The following MRTFA variants were observed in gnomAD, a reference collection of about 807,000 sequenced individuals.
MRTFA encodes myocardin related transcription factor A.
A neutral mutation model predicts 83.5 loss-of-function variants in MRTFA; 20 were observed. The ratio of observed to expected loss-of-function variants is 0.24; its 90% CI spans 0.17 to 0.35. The LOEUF (loss-of-function observed/expected upper bound fraction) is 0.35, where lower values mean the gene tolerates loss of function less well. Among genes scored for constraint, MRTFA ranks in the 10% least tolerant of loss-of-function variants. The pLI, the probability that MRTFA is intolerant of heterozygous loss-of-function variation, is 1.00. For missense variants in MRTFA, 1,200 were observed against 1,224.7 expected (o/e 0.98, Z 0.30); for synonymous variants, 659 against 541.2 (o/e 1.22, Z -3.02).
rs1217596012 is a variant in MRTFA, at chr22:40,621,380, G to GT, written c.-84+15097dup. ...AAGCTAGTCACAAAAGACAAATATT[G>GT]TATGGTTCCACTTGTATGAAGTACT... On this transcript the variant is annotated intron_variant, in intron 1 of 14. Coordinates refer to ENST00000355630, the MANE Select transcript of MRTFA (RefSeq NM_020831.6). Among the ~76,000 whole-genome samples the GT allele has an allele frequency of 5.9e-5, 9 of 152,240 alleles. No homozygotes were observed. The East Asian group carries it at 1.7e-3, about 29-fold the overall frequency.
At chr22:40,481,960 T>G (rs1046258301) in intron 3 of MRTFA, among the ~76,000 whole-genome samples, 2 of 150,700 alleles carry the variant, frequency 1.3e-5, no homozygotes, top group Non-Finnish European at 2.9e-5. Flanking sequence ...CTCGGGAGGC[T>G]GAGGCAGGAG....
chr22:40,449,233 C>G (rs1329315374), intron 4 of MRTFA, among the ~76,000 whole-genome samples: 1 of 149,102 alleles, frequency 6.7e-6, no homozygotes, highest in African/African-American at 2.5e-5. Context: ...CGCCACTACA[C>G]TCCAGCCTGG....
At chr22:40,454,326 G>A (rs1385356070) in intron 4 of MRTFA, among the ~76,000 whole-genome samples, 1 of 152,142 alleles carries the variant, frequency 6.6e-6, no homozygotes, top group Non-Finnish European at 1.5e-5. Context: ...ATGTTGTCCA[G>A]GCTGGTCTCA....
At chr22:40,518,820 A>C (rs2054808205) in intron 3 of MRTFA, among the ~76,000 whole-genome samples, 1 of 150,712 alleles carries the variant, frequency 6.6e-6, no homozygotes, top group Admixed American at 6.6e-5. Flanking sequence ...AAAAAAAAAA[A>C]ACCAGTGTCT....
intron 4 of MRTFA, among the ~76,000 whole-genome samples, chr22:40,453,029 C>G (rs1473288236): frequency 6.6e-6 from 1 of 152,068 alleles, no homozygotes; most frequent in Non-Finnish European, 1.5e-5. Flanking sequence ...ACAGCAGAAG[C>G]GAGACAAGGA....
intron 3 of MRTFA, among the ~76,000 whole-genome samples, chr22:40,512,896 C>G (rs1469872272): frequency 6.6e-6 from 1 of 152,190 alleles, no homozygotes; most frequent in Admixed American, 6.5e-5. Flanking sequence ...TTTAACTGAT[C>G]CATCTTTATC....
intron 1 of MRTFA, among the ~76,000 whole-genome samples, chr22:40,614,141 G>A (rs2056420734): frequency 6.6e-6 from 1 of 151,810 alleles, no homozygotes; most frequent in African/African-American, 2.4e-5. Flanking sequence ...GGCAGAGGTT[G>A]CAGTAAGCCG....
intron 1 of MRTFA, among the ~76,000 whole-genome samples, chr22:40,602,418 C>T (rs2056270641): frequency 6.6e-6 from 1 of 152,134 alleles, no homozygotes; most frequent in Non-Finnish European, 1.5e-5. Context: ...CTTGGGATCA[C>T]CACATCCACC....
At chr22:40,514,915 T>C (rs1387393922) in intron 3 of MRTFA, among the ~76,000 whole-genome samples, 1 of 150,896 alleles carries the variant, frequency 6.6e-6, no homozygotes. Flanking sequence ...TCTTCCTTTT[T>C]TTTTTTTTTT....
At chr22:40,548,700 C>T in intron 3 of MRTFA, among the ~76,000 whole-genome samples, 1 of 151,968 alleles carries the variant, frequency 6.6e-6, no homozygotes, top group East Asian at 1.9e-4. Context: ...CCCATCTCTA[C>T]TAAAAATACA....
At chr22:40,621,154 C>T (rs2056518194) in intron 1 of MRTFA, among the ~76,000 whole-genome samples, 1 of 150,998 alleles carries the variant, frequency 6.6e-6, no homozygotes, top group Admixed American at 6.6e-5. Context: ...TGCACTCCAG[C>T]CTGGGTGACA....
At chr22:40,582,138 T>C (rs1404728479) in intron 2 of MRTFA, among the ~76,000 whole-genome samples, 1 of 152,206 alleles carries the variant, frequency 6.6e-6, no homozygotes, top group Non-Finnish European at 1.5e-5. Context: ...TTGCCTATTC[T>C]GGACATTTCA....
chr22:40,437,813 A>T (rs1281267368), intron 4 of MRTFA, among the ~76,000 whole-genome samples: 1 of 151,278 alleles, frequency 6.6e-6, no homozygotes. Context: ...GTTTACTCTC[A>T]GTCTCCCACG....
rs186150895 is a variant in MRTFA at position 40,578,192 on chromosome 22, G to A, written c.-22+16482C>T. 4.2e-4 allele frequency among the ~76,000 whole-genome samples: 64 copies of A among 152,144 alleles called. 1 individual carries two copies. In the East Asian group the frequency reaches 8.1e-3, roughly 19 times the overall value. ...TGGTCTCGAACTCCTGACCTCAAGTGATCCACCCACCTTGGCCTCCCAGAG... is the reference window on the plus strand; with the variant it reads ...TGGTCTCGAACTCCTGACCTCAAGTAATCCACCCACCTTGGCCTCCCAGAG... On this transcript the variant is annotated intron_variant, in intron 2 of 14. Transcript: ENST00000355630.
At chr22:40,483,218 G>A (rs768359230) in intron 3 of MRTFA, among the ~76,000 whole-genome samples, 18 of 151,876 alleles carry the variant, frequency 1.2e-4, no homozygotes, top group African/African-American at 4.4e-4. Flanking sequence ...TCTCCACCAC[G>A]TCTGGCTAAT....
chr22:40,569,993 TTAA>T (rs2055765637), intron 2 of MRTFA: 1 of 152,646 alleles, frequency 6.6e-6, no homozygotes, highest in Non-Finnish European at 1.5e-5. Flanking sequence ...GAATCATGTC[TTAA>T]TAATAAAAAT....
intron 3 of MRTFA, among the ~76,000 whole-genome samples, chr22:40,543,194 A>C (rs1453468649): frequency 1.3e-5 from 2 of 152,214 alleles, no homozygotes; most frequent in African/African-American, 4.8e-5. Context: ...TCTGAGGAAT[A>C]TAATTAACAA....
intron 1 of MRTFA, among the ~76,000 whole-genome samples, chr22:40,599,780 T>C (rs2056235833): frequency 6.6e-6 from 1 of 151,502 alleles, no homozygotes; most frequent in African/African-American, 2.4e-5. Flanking sequence ...TTGCCTAAAG[T>C]CCCAACTACT....
At chr22:40,489,053 T>C (rs1344021526) in intron 3 of MRTFA, among the ~76,000 whole-genome samples, 3 of 151,968 alleles carry the variant, frequency 2.0e-5, no homozygotes, top group African/African-American at 7.3e-5. Flanking sequence ...AAAAAATTCA[T>C]GCAGATGTGA....
Sources: allele counts gnomAD v4.1 joint callset (sites outside exome capture counted in the v4.1 genomes callset), GRCh38; gene constraint gnomAD v4.1.1; transcripts MANE v1.5; gene names NCBI Gene and HGNC (gene_info 2026-07-23, HGNC 2026-07-21).